The following HSF2BP variants were observed in gnomAD, a reference collection of about 807,000 sequenced individuals.
HSF2BP encodes heat shock factor 2-binding protein.
HSF2BP carries 35 observed loss-of-function variants against 35.0 expected under a neutral mutation model. The observed-to-expected ratio is 1.00, with a 90% CI of 0.76 to 1.32. HSF2BP has a LOEUF of 1.32. Ranked by LOEUF, HSF2BP falls within the 40% of genes most tolerant of loss-of-function variation. HSF2BP has a pLI of 0.00. For synonymous variants in HSF2BP, 114 were observed against 117.4 expected, an observed-to-expected ratio of 0.97 and a Z score of 0.18; for missense variants, 326 against 321.7, an observed-to-expected ratio of 1.01 and a Z score of -0.10.
At chr21:43,637,189 G>T (rs1416725759) in intron 4 of HSF2BP, among the ~76,000 whole-genome samples, 1 of 152,108 alleles carries the variant, frequency 6.6e-6, no homozygotes, top group Non-Finnish European at 1.5e-5. Context: ...GTGAATGGAT[G>T]AAGAAAATGT....
At chr21:43,603,472 G>A (rs111439593) in intron 7 of HSF2BP, among the ~76,000 whole-genome samples, 7 of 152,314 alleles carry the variant, frequency 4.6e-5, no homozygotes, top group African/African-American at 1.7e-4. Flanking sequence ...CCCTGCCAGG[G>A]GCATGCCACC....
intron 7 of HSF2BP, among the ~76,000 whole-genome samples, chr21:43,612,915 C>G (rs925085657): frequency 2.0e-5 from 3 of 152,152 alleles, no homozygotes; most frequent in African/African-American, 7.2e-5. Flanking sequence ...ATTTCCTGCC[C>G]TAATCTCTGG....
chr21:43,577,688 CCT>C (rs1341036105), intron 8 of HSF2BP, among the ~76,000 whole-genome samples: 6 of 152,198 alleles, frequency 3.9e-5, no homozygotes, highest in Non-Finnish European at 1.5e-5. Context: ...CATCATATCC[CCT>C]GTGACCTGCA....
chr21:43,577,364 C>A (rs190062882), intron 8 of HSF2BP, among the ~76,000 whole-genome samples: 14 of 152,348 alleles, frequency 9.2e-5, no homozygotes, highest in Admixed American at 9.1e-4. Flanking sequence ...CAAAATACTT[C>A]AACTGGAAGT....
chr21:43,592,200 C>A (rs769601931), intron 8 of HSF2BP, 25 bp downstream of exon 8: 13 of 1,489,488 alleles, frequency 8.7e-6, no homozygotes, highest in East Asian at 2.3e-5. Context: ...GTACAAGCAG[C>A]TGGACAGATA....
At chr21:43,637,043 C>A (rs1196666115) in intron 4 of HSF2BP, among the ~76,000 whole-genome samples, 3 of 151,942 alleles carry the variant, frequency 2.0e-5, no homozygotes, top group Non-Finnish European at 4.4e-5. Flanking sequence ...AATCCCAGCA[C>A]TTTGGAAGGC....
At chr21:43,623,703 T>C (rs1381561668) in intron 6 of HSF2BP, among the ~76,000 whole-genome samples, 1 of 152,194 alleles carries the variant, frequency 6.6e-6, no homozygotes, top group Non-Finnish European at 1.5e-5. Flanking sequence ...TTCCTTCTTA[T>C]AGTGCCTCAA....
intron 7 of HSF2BP, chr21:43,609,926 A>AG (rs989874943): frequency 3.3e-5 from 5 of 152,340 alleles, no homozygotes; most frequent in African/African-American, 1.2e-4. Flanking sequence ...AATCAACAAG[A>AG]GCTCACCAGG....
chr21:43,602,562 G>A (rs2082064462), intron 7 of HSF2BP, among the ~76,000 whole-genome samples: 1 of 152,130 alleles, frequency 6.6e-6, no homozygotes, highest in South Asian at 2.1e-4. Flanking sequence ...ATGCTGGGCA[G>A]GATAAACCAA....
chr21:43,579,161 C>G (rs2081686771), intron 8 of HSF2BP, among the ~76,000 whole-genome samples: 1 of 152,204 alleles, frequency 6.6e-6, no homozygotes, highest in Non-Finnish European at 1.5e-5. Context: ...ACTGTATGCA[C>G]AGCTGGGAGG....
intron 7 of HSF2BP, among the ~76,000 whole-genome samples, chr21:43,609,371 A>G (rs2082174289): frequency 6.6e-6 from 1 of 152,052 alleles, no homozygotes; most frequent in Non-Finnish European, 1.5e-5. Flanking sequence ...AGAAGCCCAA[A>G]CCTTGGCATC....
rs755109306 is a variant in HSF2BP at position 43,633,287 on chromosome 21, C to A, written c.426G>T (p.Lys142Asn). 2.5e-6 allele frequency: 4 copies of A among 1,612,900 alleles called. No individual in the cohort carries two copies. The highest frequency in any genetic ancestry group is 3.4e-6 in the Non-Finnish European group (4 of 1,179,666). ...CCATACTTACTCCTCCCAAAATGGCCTTGACGACTTCCTCACTGCTGGAGA... is the reference window on the plus strand; with the variant it reads ...CCATACTTACTCCTCCCAAAATGGCATTGACGACTTCCTCACTGCTGGAGA... Reference protein sequence around the residue: ...WGVSSSEEVVKAILGGDKALK... With the variant: ...WGVSSSEEVVNAILGGDKALK... Residue 142 changes from lysine (K) to asparagine (N), a missense_variant, in exon 5 of 9, where the codon AAG becomes AAT. Coordinates refer to ENST00000291560, the MANE Select transcript of HSF2BP (RefSeq NM_007031.2).
chr21:43,623,851 C>T (rs1354282544), intron 6 of HSF2BP, among the ~76,000 whole-genome samples: 1 of 152,202 alleles, frequency 6.6e-6, no homozygotes, highest in African/African-American at 2.4e-5. Context: ...TCAACTCTCT[C>T]CAAACTAACC....
At position 43,659,430 on chromosome 21, in the gene HSF2BP, G is replaced by C. The variant is rs1334743676; in HGVS notation, c.-269C>G. ...ATTTTGGCAACCGAAAGGCAGCGCC[G>C]GCGCCACGTGCACACGGGCTGGGCC... On this transcript the variant is annotated 5_prime_UTR_variant, in exon 1 of 9. Coordinates refer to ENST00000291560, the MANE Select transcript of HSF2BP (RefSeq NM_007031.2). This position sits in a 1 kb window ranked among gnomAD's most constrained non-coding sequence, Gnocchi z 4.2. 8.1e-6 allele frequency: 2 copies of C among 248,220 alleles called. No individual in the cohort carries two copies. The highest frequency in any genetic ancestry group is 1.5e-5 in the Non-Finnish European group (2 of 136,666). The allele number at this position is 248,220 out of a possible 1,614,324, so 15.4% of individuals were successfully genotyped here.
At chr21:43,632,327 CT>C in intron 5 of HSF2BP, among the ~76,000 whole-genome samples, 1 of 114,494 alleles carries the variant, frequency 8.7e-6, no homozygotes, top group Non-Finnish European at 1.8e-5. Flanking sequence ...CACACACACA[CT>C]CCCCCACACA....
At chr21:43,632,378 TCC>T (rs141776331) in intron 5 of HSF2BP, among the ~76,000 whole-genome samples, 22 of 35,492 alleles carry the variant, frequency 6.2e-4, no homozygotes, top group Admixed American at 1.3e-3. Flanking sequence ...ACACACACGC[TCC>T]CCCCCCACAC....
chr21:43,622,970 CT>C (rs34892715), intron 6 of HSF2BP, among the ~76,000 whole-genome samples: 86,062 of 146,468 alleles, frequency 0.59, 25,245 homozygotes, highest in East Asian at 0.78. Flanking sequence ...TATCAAACAG[CT>C]TTTTTTTTTT....
intron 5 of HSF2BP, among the ~76,000 whole-genome samples, chr21:43,632,800 T>C (rs2082498885): frequency 6.6e-6 from 1 of 152,152 alleles, no homozygotes; most frequent in Non-Finnish European, 1.5e-5. Context: ...GAGTCAAAAG[T>C]TCTATGTGGC....
In HSF2BP at chr21:43,644,431, T is replaced by G. The variant is rs1222788371; in HGVS notation, c.188-39A>C. 4 of 1,472,074 alleles carry G rather than the reference T, an allele frequency of 2.7e-6. No individual in the cohort carries two copies. The South Asian group carries it at 3.4e-5, about 13-fold the overall frequency. The allele number at this position is 1,472,074 out of a possible 1,614,324, so 91.2% of individuals were successfully genotyped here. A position where few individuals can be genotyped will look rare whatever the true frequency, so the allele number is the denominator to read the frequency against. ...ATAAAATTACTCAAGATATTTCAAG[T>G]CACTAATCTCTCCCTAAGCATCTAT... On this transcript the variant is annotated intron_variant, in intron 3 of 8. Coordinates refer to ENST00000291560, the MANE Select transcript of HSF2BP (RefSeq NM_007031.2).
Sources: gnomAD v4.1 joint callset for allele counts (sites outside exome capture counted in the v4.1 genomes callset) on GRCh38, gnomAD v4.1.1 for gene constraint, Gnocchi (gnomAD v3.1) non-coding constraint, MANE v1.5 for transcripts, NCBI Gene and HGNC (gene_info 2026-07-23, HGNC 2026-07-21) for gene names.